AK9: variants seen among roughly 807,000 people sequenced by gnomAD.
AK9 encodes adenylate kinase domain containing 1.
AK9 carries 191 observed loss-of-function variants against 239.6 expected under a neutral mutation model. The ratio of observed to expected loss-of-function variants is 0.80; its 90% CI spans 0.71 to 0.90. The LOEUF is 0.90. AK9 is among the 40% of genes least tolerant of loss of function. AK9 has a pLI of 0.00. For synonymous variants in AK9, 689 were observed against 721.0 expected (o/e 0.96, Z 0.71); for missense variants, 1,995 against 2,214.7 (o/e 0.90, Z 1.99).
Position 109,614,456 on chromosome 6 carries a change from T to G in AK9, c.1424A>C (p.Gln475Pro), listed in dbSNP as rs757136892. Residue 475 changes from glutamine to proline, a missense_variant, in exon 14 of 41, where the codon CAA (glutamine) becomes CCA (proline). By Grantham distance (76) the Gln-to-Pro change is moderately conservative (BLOSUM62 -1). This residue lies in a region of AK9 where 1,290 missense variants were observed against 1,392.7 expected (regional missense o/e 0.93). Coordinates refer to ENST00000424296, the MANE Select transcript of AK9 (RefSeq NM_001145128.3). Reference sequence around the variant, plus strand: ...AAACTCCATTTTTTCATATTGCCTTTGAAATTCTCTTAAAGCTGTTTCAGC... The same window carrying G: ...AAACTCCATTTTTTCATATTGCCTTGGAAATTCTCTTAAAGCTGTTTCAGC... ...KQAETALREF[Q>P]RQYEKMEFGV... 6.4e-7 allele frequency: 1 copy of G among 1,551,242 alleles called. No homozygotes were observed. Among genetic ancestry groups the G allele is most frequent in the Non-Finnish European group, 8.7e-7 (1 of 1,146,694 alleles).
In AK9 at chr6:109,493,527, T is replaced by A. The variant is rs1407031304; in HGVS notation, c.5578A>T (p.Lys1860Ter). The change falls in exon 41 of 41, where the codon AAG becomes TAG. Residue 1860 changes from lysine to a stop codon, truncating the protein, a stop_gained. Transcript: ENST00000424296. LOFTEE classifies it high-confidence loss of function. ...CTCTCCATAAACTGCTCCATCTTCTTCTTATACTTTTTTCTTGTGTATTCG... is the reference window on the plus strand; with the variant it reads ...CTCTCCATAAACTGCTCCATCTTCTACTTATACTTTTTTCTTGTGTATTCG... ...GSEYTRKKYK[K>*]KMEQFMESCE... The A allele has an allele frequency of 1.2e-6, 2 of 1,613,964 alleles. No individual in the cohort carries two copies. The highest frequency in any genetic ancestry group is 1.3e-5 in the African/African-American group (1 of 74,940).
At chr6:109,510,765 A>G (rs1320515325) in intron 32 of AK9, among the ~76,000 whole-genome samples, 2 of 152,242 alleles carry the variant, frequency 1.3e-5, no homozygotes, top group Non-Finnish European at 2.9e-5. Context: ...AAAGTGCTGC[A>G]GCCACAGAGG....
In AK9 at chr6:109,603,163, T is replaced by A. The variant is rs138405704; in HGVS notation, c.1842+7202A>T. ...GAGAGGCACTCTGATTTTTAGAATT[T>A]TCAGTTTTTCTGCTCTGTTTTTTCC... On this transcript the variant is annotated intron_variant, in intron 17 of 40. Transcript: ENST00000424296. Among the ~76,000 whole-genome samples the A allele has an allele frequency of 2.0e-3, 305 of 152,348 alleles. 1 individual carries two copies. Among genetic ancestry groups the A allele is most frequent in the African/African-American group, 7.0e-3 (289 of 41,580 alleles).
intron 24 of AK9, among the ~76,000 whole-genome samples, chr6:109,558,423 C>T (rs780706336): frequency 6.6e-6 from 1 of 152,120 alleles, no homozygotes; most frequent in Non-Finnish European, 1.5e-5. Context: ...AGGTTTGGTT[C>T]AAAGTTCATT....
At chr6:109,569,436 A>G (rs1388221008) in intron 21 of AK9, among the ~76,000 whole-genome samples, 1 of 152,238 alleles carries the variant, frequency 6.6e-6, no homozygotes, top group East Asian at 1.9e-4. Context: ...AAATGGATCT[A>G]ATTAAACTAA....
At chr6:109,516,725 G>C in intron 29 of AK9, 83 bp from the exon 30 acceptor site, 1 of 1,209,904 alleles carries the variant, frequency 8.3e-7, no homozygotes, top group East Asian at 2.6e-5. Context: ...GGAATATTTT[G>C]TAATGGCTCG....
rs1036817486 is a variant in AK9, at chr6:109,518,847, T to C, written c.3634-2205A>G. ...GCTTTTATTTTAGATTCGGGGTACG[T>C]GTGCAGGCTTGTTACAAGGGTATAT... On this transcript the variant is annotated intron_variant, in intron 29 of 40. Transcript: ENST00000424296. 7.2e-5 allele frequency among the ~76,000 whole-genome samples: 11 copies of C among 152,218 alleles called. No homozygotes were observed. In the South Asian group the frequency reaches 1.5e-3, roughly 20 times the overall value.
chr6:109,671,829 A>C lies in AK9; in HGVS notation c.331+90T>G, dbSNP rs1770942565. 5 of 1,133,540 alleles carry C rather than the reference A, an allele frequency of 4.4e-6. No individual in the cohort carries two copies. In the South Asian group the frequency reaches 7.3e-5, roughly 16 times the overall value. 70.2% of individuals were successfully genotyped at this position (1,133,540 alleles called of 1,614,324 possible). ...GAGATTCTTATGCTAAGGCAAAAGA[A>C]AGGGCAACTCCAGAAACTATTTTTG... On this transcript the variant is annotated intron_variant, in intron 5 of 40. Coordinates refer to ENST00000424296, the MANE Select transcript of AK9 (RefSeq NM_001145128.3).
chr6:109,522,081 A>T (rs1268511470), intron 29 of AK9, among the ~76,000 whole-genome samples: 1 of 152,038 alleles, frequency 6.6e-6, no homozygotes, highest in Admixed American at 6.6e-5. Flanking sequence ...AACCATTTTC[A>T]CTTAGAATTT....
Position 109,564,160 on chromosome 6 carries a change from G to C in AK9, c.2555C>G (p.Ala852Gly). The C allele has an allele frequency of 6.4e-7, 1 of 1,551,416 alleles. No individual in the cohort carries two copies. Among genetic ancestry groups the C allele is most frequent in the African/African-American group, 1.4e-5 (1 of 73,128 alleles). ...CTCCAAGTTTAAAATTTTAATGTAAGCCTCACTAATTGTTGCTTCTAGCTG... is the reference window on the plus strand; with the variant it reads ...CTCCAAGTTTAAAATTTTAATGTAACCCTCACTAATTGTTGCTTCTAGCTG... ...WKQLEATISE[A>G]YIKILNLEIA... Residue 852 changes from alanine (A) to glycine (G), a missense_variant, in exon 23 of 41, where the codon GCT becomes GGT. By Grantham distance (60) the Ala-to-Gly change is moderately conservative. This residue lies in a region of AK9 where 1,290 missense variants were observed against 1,392.7 expected (regional missense o/e 0.93). Transcript: ENST00000424296.
chr6:109,546,817 C>T (rs745381485), intron 25 of AK9, among the ~76,000 whole-genome samples: 2 of 152,108 alleles, frequency 1.3e-5, no homozygotes, highest in South Asian at 2.1e-4. Flanking sequence ...TAAACCTCTC[C>T]GTGATAAAAC....
intron 12 of AK9, among the ~76,000 whole-genome samples, chr6:109,624,958 C>A (rs1795339545): frequency 6.6e-6 from 1 of 151,944 alleles, no homozygotes; most frequent in African/African-American, 2.4e-5. Context: ...TTGAATTTTT[C>A]ATTTGTGTTA....
At chr6:109,509,735 C>G (rs573012012) in intron 32 of AK9, among the ~76,000 whole-genome samples, 80 of 152,136 alleles carry the variant, frequency 5.3e-4, no homozygotes, top group African/African-American at 1.8e-3. Flanking sequence ...AGCCACCTGA[C>G]CCACGGCTGC....
chr6:109,659,135 A>G (rs1158703463), intron 7 of AK9, 93 bp downstream of exon 7: 6 of 1,352,172 alleles, frequency 4.4e-6, no homozygotes, highest in Non-Finnish European at 5.8e-6. Context: ...AATGTATAGC[A>G]TCTACTATTT....
At chr6:109,503,830 G>A (rs9487130) in intron 35 of AK9, among the ~76,000 whole-genome samples, 7,889 of 152,114 alleles carry the variant, frequency 0.052, 336 homozygotes, top group African/African-American at 0.11. Context: ...ACTCCCTCCC[G>A]GGGTGGCCTG....
chr6:109,592,345 G>A (rs1790362858), intron 17 of AK9, among the ~76,000 whole-genome samples: 1 of 151,996 alleles, frequency 6.6e-6, no homozygotes, highest in African/African-American at 2.4e-5. Flanking sequence ...TATTCTAGGG[G>A]CAAATAGGAA....
chr6:109,593,548 A>G (rs191684398), intron 17 of AK9, among the ~76,000 whole-genome samples: 6 of 152,286 alleles, frequency 3.9e-5, no homozygotes, highest in African/African-American at 1.4e-4. Flanking sequence ...AAAACCTGGC[A>G]GAGACGTAAC....
At chr6:109,663,976 A>T (rs1800814884) in intron 5 of AK9, among the ~76,000 whole-genome samples, 1 of 152,238 alleles carries the variant, frequency 6.6e-6, no homozygotes, top group South Asian at 2.1e-4. Flanking sequence ...ATTGCAACAG[A>T]TTGAGCAGAA....
chr6:109,656,579 T>C (rs1195973596), intron 8 of AK9, among the ~76,000 whole-genome samples, 177 bp downstream of exon 8: 1 of 152,130 alleles, frequency 6.6e-6, no homozygotes, highest in Non-Finnish European at 1.5e-5. Flanking sequence ...AGTAAAATAA[T>C]ATTGTTCTGG....
Sources: gnomAD v4.1 joint callset for allele counts (sites outside exome capture counted in the v4.1 genomes callset) on GRCh38, gnomAD v4.1.1 for gene constraint, gnomAD v4.1.1 regional missense constraint, MANE v1.5 for transcripts, NCBI Gene and HGNC (gene_info 2026-07-23, HGNC 2026-07-21) for gene names.